Variants in USP12 observed in about 807,000 individuals in gnomAD.
USP12 encodes ubiquitin carboxyl-terminal hydrolase 12.
In USP12, 19 loss-of-function variants were observed where a neutral mutation model predicts 45.5. The observed-to-expected ratio is 0.42, with a 90% CI of 0.29 to 0.61. The LOEUF (loss-of-function observed/expected upper bound fraction) is 0.61, where lower values mean the gene tolerates loss of function less well. USP12 is among the 20% of genes least tolerant of loss of function. USP12 has a pLI of 0.22. For missense variants in USP12, 242 were observed against 447.7 expected (o/e 0.54, Z 4.15); for synonymous variants, 149 against 148.8 (o/e 1.00, Z -0.01).
chr13:27,109,568 A>G (rs942592176), intron 2 of USP12, among the ~76,000 whole-genome samples: 1 of 152,156 alleles, frequency 6.6e-6, no homozygotes, highest in African/African-American at 2.4e-5. Flanking sequence ...CAACAATCAA[A>G]TTGCAAATGT....
intron 1 of USP12, among the ~76,000 whole-genome samples, chr13:27,147,475 T>A (rs903277273): frequency 1.3e-5 from 2 of 152,072 alleles, no homozygotes; most frequent in Non-Finnish European, 2.9e-5. Flanking sequence ...GTCCAATTTT[T>A]AAAAAAATAC....
At chr13:27,148,663 CA>C (rs1307678724) in intron 1 of USP12, among the ~76,000 whole-genome samples, 5,246 of 84,916 alleles carry the variant, frequency 0.062, 273 homozygotes, top group African/African-American at 0.18. Flanking sequence ...GACAGAGACT[CA>C]AAAAAAAAAA....
intron 6 of USP12, among the ~76,000 whole-genome samples, chr13:27,075,604 A>G (rs1479344287): frequency 6.6e-6 from 1 of 152,100 alleles, no homozygotes; most frequent in African/African-American, 2.4e-5. Flanking sequence ...TCATTGTCAC[A>G]CCACATAATT....
In USP12 at chr13:27,145,042, G is replaced by A. The variant is rs146822980; in HGVS notation, c.48+26550C>T. 8.4e-4 allele frequency among the ~76,000 whole-genome samples: 128 copies of A among 152,328 alleles called. 1 individual carries two copies. Among genetic ancestry groups the A allele is most frequent in the African/African-American group, 3.0e-3 (125 of 41,580 alleles). On this transcript the variant is annotated intron_variant, in intron 1 of 8. Coordinates refer to ENST00000282344, the MANE Select transcript of USP12 (RefSeq NM_182488.4). ...CGATCGCACCACTGCATTCCAGCCT[G>A]GGCTGGACCCTGCAGCAGAGTGAGA...
At chr13:27,131,982 T>C (rs905961566) in intron 1 of USP12, among the ~76,000 whole-genome samples, 1 of 152,232 alleles carries the variant, frequency 6.6e-6, no homozygotes, top group Non-Finnish European at 1.5e-5. Context: ...TTTTATTACG[T>C]GTCACTGGGT....
At chr13:27,159,457 T>G (rs1368648290) in intron 1 of USP12, among the ~76,000 whole-genome samples, 1 of 152,166 alleles carries the variant, frequency 6.6e-6, no homozygotes, top group Non-Finnish European at 1.5e-5. Context: ...TTTACAAGTG[T>G]TCTATCATTA....
chr13:27,090,579 A>G (rs1302219694), intron 4 of USP12, among the ~76,000 whole-genome samples: 3 of 152,216 alleles, frequency 2.0e-5, no homozygotes, highest in East Asian at 1.9e-4. Flanking sequence ...GTTAAATTAC[A>G]TTCTTCATTT....
chr13:27,109,815 A>G (rs1234731318), intron 2 of USP12, among the ~76,000 whole-genome samples: 1 of 150,926 alleles, frequency 6.6e-6, no homozygotes, highest in South Asian at 2.1e-4. Flanking sequence ...AGGCTGAGAC[A>G]GGAGAATCGC....
chr13:27,109,634 TTGGC>T (rs1312524247), intron 2 of USP12, among the ~76,000 whole-genome samples: 1 of 152,116 alleles, frequency 6.6e-6, no homozygotes, highest in Non-Finnish European at 1.5e-5. Context: ...AAAGTCATCT[TTGGC>T]TGGGCGCAGT....
chr13:27,135,334 T>C (rs1270927782), intron 1 of USP12, among the ~76,000 whole-genome samples: 1 of 152,244 alleles, frequency 6.6e-6, no homozygotes, highest in African/African-American at 2.4e-5. Context: ...CAAATCTCTA[T>C]CGTAACAACA....
chr13:27,152,859 G>A (rs1267349173), intron 1 of USP12, among the ~76,000 whole-genome samples: 16 of 150,654 alleles, frequency 1.1e-4, no homozygotes, highest in African/African-American at 2.4e-4. Context: ...GGACAATGGC[G>A]TGAACCTGGG....
chr13:27,112,046 C>T (rs1434352553), intron 2 of USP12, among the ~76,000 whole-genome samples: 1 of 152,076 alleles, frequency 6.6e-6, no homozygotes, highest in Non-Finnish European at 1.5e-5. Context: ...TTAGGAAATG[C>T]CTGCCTTGAG....
In USP12 at chr13:27,066,215, A is replaced by G. The variant is rs538854967; in HGVS notation, c.*3068T>C. The G allele has an allele frequency of 1.3e-5, 2 of 152,356 alleles. No individual in the cohort carries two copies. The highest frequency in any genetic ancestry group is 4.1e-4 in the South Asian group (2 of 4,828). 9.4% of individuals were successfully genotyped at this position (152,356 alleles called of 1,614,324 possible). ...TATTTATATAGTGCCTTCTTCAAGA[A>G]CCTTAAATGCTTTACAGACATTATC... On this transcript the variant is annotated 3_prime_UTR_variant, in exon 9 of 9. Transcript: ENST00000282344.
intron 3 of USP12, among the ~76,000 whole-genome samples, chr13:27,099,946 T>C (rs897794698): frequency 1.3e-5 from 2 of 152,190 alleles, no homozygotes; most frequent in African/African-American, 4.8e-5. Flanking sequence ...TTTGGTACAC[T>C]GTGTGTGGGT....
chr13:27,167,839 G>C (rs990662069), intron 1 of USP12, among the ~76,000 whole-genome samples: 1 of 152,072 alleles, frequency 6.6e-6, no homozygotes, highest in Admixed American at 6.5e-5. Flanking sequence ...GTTTGCCCCA[G>C]CTTTCCTTTT....
At chr13:27,158,107 G>T (rs1877922763) in intron 1 of USP12, among the ~76,000 whole-genome samples, 1 of 152,124 alleles carries the variant, frequency 6.6e-6, no homozygotes, top group South Asian at 2.1e-4. Context: ...TTTGAAATAG[G>T]GTCTTTACAG....
At chr13:27,168,751 C>T (rs965640902) in intron 1 of USP12, among the ~76,000 whole-genome samples, 1 of 152,158 alleles carries the variant, frequency 6.6e-6, no homozygotes, top group African/African-American at 2.4e-5. Flanking sequence ...TACTAATTTT[C>T]ACATGTAAGC....
Position 27,066,515 on chromosome 13 carries a change from T to G in USP12, c.*2768A>C, listed in dbSNP as rs1448024896. ...GCCATCAAGGAAAGAAAAAACCCTA[T>G]ACTGATGGTTAGAGGCCCCAAGACC... On this transcript the variant is annotated 3_prime_UTR_variant, in exon 9 of 9. Transcript: ENST00000282344. The G allele has an allele frequency of 4.6e-5, 7 of 152,188 alleles. No homozygotes were observed. The highest frequency in any genetic ancestry group is 1.7e-4 in the African/African-American group (7 of 41,448). 9.4% of individuals were successfully genotyped at this position (152,188 alleles called of 1,614,324 possible).
rs1873131721 is a variant in USP12, at chr13:27,069,338, T to C, written c.1058A>G (p.Asp353Gly). The C allele has an allele frequency of 6.2e-7, 1 of 1,612,708 alleles. No individual in the cohort carries two copies. Among genetic ancestry groups the C allele is most frequent in the Non-Finnish European group, 8.5e-7 (1 of 1,179,872 alleles). ...AIEEFYGLTS[D>G]ISKNSESGYI... is the part of the protein sequence containing the mutation. ...ACCAGACTCAGAGTTCTTTGAGATA[T>C]CTGATGTCAACCCGTAGAATTCTTC... Residue 353 changes from aspartate to glycine, a missense_variant, in exon 9 of 9, where the codon GAT (aspartate) becomes GGT (glycine). Asp to Gly is a moderately conservative substitution (Grantham distance 94, BLOSUM62 -1). This residue lies in a region of USP12 where 94 missense variants were observed against 168.3 expected (regional missense o/e 0.56). Transcript: ENST00000282344.
Sources: gnomAD v4.1 joint callset for allele counts (sites outside exome capture counted in the v4.1 genomes callset) on GRCh38, gnomAD v4.1.1 for gene constraint, gnomAD v4.1.1 regional missense constraint, MANE v1.5 for transcripts, NCBI Gene and HGNC (gene_info 2026-07-23, HGNC 2026-07-21) for gene names.